The following C12orf75 variants were observed in gnomAD, a reference collection of about 807,000 sequenced individuals.
C12orf75 encodes chromosome 12 open reading frame 75.
C12orf75 carries 4 observed loss-of-function variants against 11.4 expected under a neutral mutation model. The ratio of observed to expected loss-of-function variants is 0.35; its 90% CI spans 0.17 to 0.80. The LOEUF (loss-of-function observed/expected upper bound fraction) is 0.80, where lower values mean the gene tolerates loss of function less well. C12orf75 is among the 30% of genes least tolerant of loss of function. The pLI is 0.52. For synonymous variants in C12orf75, 30 were observed against 30.0 expected (o/e 1.00, Z 0.00); for missense variants, 89 against 80.4 (o/e 1.11, Z -0.41).
chr12:105,355,173 TC>T (rs374011228), intron 2 of C12orf75, among the ~76,000 whole-genome samples: 54,924 of 129,950 alleles, frequency 0.42, 13,699 homozygotes, highest in Non-Finnish European at 0.51. Flanking sequence ...TTTTTCTTTT[TC>T]TTTTTCTTTT....
intron 1 of C12orf75, among the ~76,000 whole-genome samples, chr12:105,335,229 G>T (rs1892486317): frequency 6.6e-6 from 1 of 151,972 alleles, no homozygotes; most frequent in Non-Finnish European, 1.5e-5. Flanking sequence ...AATCCTTTTG[G>T]GCCCAATATT....
At chr12:105,363,719 G>A (rs1279431490) in intron 2 of C12orf75, among the ~76,000 whole-genome samples, 2 of 138,358 alleles carry the variant, frequency 1.4e-5, no homozygotes, top group African/African-American at 5.7e-5. Flanking sequence ...GCAAGACTCT[G>A]TCTTAATTAA....
chr12:105,362,813 C>T (rs550957444), intron 2 of C12orf75, among the ~76,000 whole-genome samples: 32 of 152,254 alleles, frequency 2.1e-4, no homozygotes, highest in Middle Eastern at 6.8e-3. Context: ...GATTTAGCTT[C>T]GTAAGTTCGG....
chr12:105,365,349 G>A (rs933291843), intron 2 of C12orf75, among the ~76,000 whole-genome samples: 2 of 152,152 alleles, frequency 1.3e-5, no homozygotes, highest in Non-Finnish European at 2.9e-5. Flanking sequence ...AGTGTCATAA[G>A]AGATCTAAAA....
intron 2 of C12orf75, among the ~76,000 whole-genome samples, chr12:105,356,119 T>C (rs1045439488): frequency 5.3e-5 from 8 of 152,212 alleles, no homozygotes; most frequent in Non-Finnish European, 2.9e-5. Flanking sequence ...AAACAGCCAA[T>C]GGTAAAACAT....
intron 1 of C12orf75, among the ~76,000 whole-genome samples, chr12:105,346,201 G>A (rs1892638430): frequency 6.6e-6 from 1 of 151,988 alleles, no homozygotes; most frequent in Admixed American, 6.5e-5. Flanking sequence ...CCAAACCAGT[G>A]TACATCGTAC....
At chr12:105,369,486 G>C (rs1031769416) in intron 5 of C12orf75, among the ~76,000 whole-genome samples, 6 of 151,906 alleles carry the variant, frequency 3.9e-5, no homozygotes, top group African/African-American at 1.4e-4. Context: ...TACATGTGCT[G>C]AACGTGCAGG....
chr12:105,368,967 TC>T (rs1871558187), intron 5 of C12orf75, among the ~76,000 whole-genome samples: 1 of 152,214 alleles, frequency 6.6e-6, no homozygotes, highest in African/African-American at 2.4e-5. Context: ...CCGCTAGTTT[TC>T]TCCTGTGCAG....
rs190030695 is a variant in C12orf75 at position 105,367,848 on chromosome 12, G to A, written c.*33+339G>A. Reference sequence around the variant, plus strand: ...AGAAATGACAGGGAGAGACCAGAGAGGCTAGAACTGGGGATTAGATTAGAA... The same window carrying A: ...AGAAATGACAGGGAGAGACCAGAGAAGCTAGAACTGGGGATTAGATTAGAA... On this transcript the variant is annotated intron_variant, in intron 5 of 5. Coordinates refer to ENST00000443585, the MANE Select transcript of C12orf75 (RefSeq NM_001145199.2). Among the ~76,000 whole-genome samples, 51 of 152,284 alleles carry A rather than the reference G, an allele frequency of 3.3e-4. No individual in the cohort carries two copies. In the East Asian group the frequency reaches 3.7e-3, roughly 11 times the overall value.
intron 1 of C12orf75, among the ~76,000 whole-genome samples, chr12:105,331,243 G>C (rs1259403763): frequency 6.6e-6 from 1 of 151,780 alleles, no homozygotes; most frequent in Non-Finnish European, 1.5e-5. Flanking sequence ...GCTCTCCTGG[G>C]GGAGAGGATT....
intron 2 of C12orf75, among the ~76,000 whole-genome samples, chr12:105,352,275 A>C (rs1390067200): frequency 6.6e-6 from 1 of 152,138 alleles, no homozygotes; most frequent in African/African-American, 2.4e-5. Context: ...GAGCAGGGTG[A>C]ATGATAACCA....
chr12:105,342,879 AT>A (rs924413472), intron 1 of C12orf75, among the ~76,000 whole-genome samples: 1 of 152,210 alleles, frequency 6.6e-6, no homozygotes. Context: ...AATAGATGGG[AT>A]TTGCTATGCA....
At chr12:105,367,664 A>G (rs1871518775) in intron 5 of C12orf75, among the ~76,000 whole-genome samples, 155 bp downstream of exon 5, 1 of 152,196 alleles carries the variant, frequency 6.6e-6, no homozygotes, top group Non-Finnish European at 1.5e-5. Context: ...GTTTTATTGC[A>G]TAGAGGTGAA....
chr12:105,362,315 G>A (rs1414097619), intron 2 of C12orf75, among the ~76,000 whole-genome samples: 12 of 148,196 alleles, frequency 8.1e-5, no homozygotes, highest in Non-Finnish European at 8.9e-5. Flanking sequence ...AACCCGGGAG[G>A]CGGAGCTTGC....
intron 1 of C12orf75, among the ~76,000 whole-genome samples, chr12:105,334,254 G>T (rs35335704): frequency 0.18 from 27,856 of 152,194 alleles, 2,888 homozygotes; most frequent in Non-Finnish European, 0.24. Context: ...AACGCTGGGG[G>T]CAGCCAGCAA....
At chr12:105,337,571 A>C (rs1236431477) in intron 1 of C12orf75, among the ~76,000 whole-genome samples, 1 of 152,148 alleles carries the variant, frequency 6.6e-6, no homozygotes, top group Non-Finnish European at 1.5e-5. Flanking sequence ...GTTCCCAGGA[A>C]AGGGTTGGTT....
At chr12:105,337,773 C>G (rs547855195) in intron 1 of C12orf75, among the ~76,000 whole-genome samples, 1 of 152,110 alleles carries the variant, frequency 6.6e-6, no homozygotes, top group African/African-American at 2.4e-5. Flanking sequence ...TAAACAATAG[C>G]GGGTCATTGT....
chr12:105,360,621 C>A (rs918290048), intron 2 of C12orf75, among the ~76,000 whole-genome samples: 1 of 152,204 alleles, frequency 6.6e-6, no homozygotes, highest in South Asian at 2.1e-4. Flanking sequence ...TTGGCACTTA[C>A]ATGTGTAAGA....
intron 1 of C12orf75, among the ~76,000 whole-genome samples, chr12:105,338,789 C>T (rs560327757): frequency 3.9e-4 from 59 of 152,262 alleles, no homozygotes; most frequent in Non-Finnish European, 8.2e-4. Flanking sequence ...GAAACTAATA[C>T]AGTTAGAGCC....
Sources: gnomAD v4.1 joint callset for allele counts (sites outside exome capture counted in the v4.1 genomes callset) on GRCh38, gnomAD v4.1.1 for gene constraint, MANE v1.5 for transcripts, NCBI Gene and HGNC (gene_info 2026-07-23, HGNC 2026-07-21) for gene names.